RBMX: variants seen among roughly 807,000 people sequenced by gnomAD.
RBMX encodes RNA binding motif protein X-linked, also known as RNA-binding motif protein, X chromosome.
A neutral mutation model predicts 29.3 loss-of-function variants in RBMX; 1 was observed. The observed-to-expected ratio is 0.03, with a 90% CI of 0.01 to 0.16. The LOEUF (loss-of-function observed/expected upper bound fraction) is 0.16, where lower values mean the gene tolerates loss of function less well. Ranked by LOEUF, RBMX falls within the 10% of genes least tolerant of loss-of-function variation. The probability of loss-of-function intolerance (pLI) is 1.00; values close to 1 mark genes in which losing one functional copy is unlikely to be tolerated. For synonymous variants in RBMX, 102 were observed against 102.3 expected (o/e 1.00, Z 0.02); for missense variants, 121 against 333.2 (o/e 0.36, Z 4.96).
intron 4 of RBMX, among the ~76,000 whole-genome samples, chrX:136,877,204 T>G (rs1391601284): frequency 2.8e-5 from 3 of 106,745 alleles, no homozygotes; most frequent in Non-Finnish European, 5.8e-5. Context: ...TGGTGGTGCA[T>G]GCCCGTAATC....
chrX:136,871,507 T>C (rs1047741263), downstream of RBMX, among the ~76,000 whole-genome samples: 1 of 110,120 alleles, frequency 9.1e-6, no homozygotes, highest in Admixed American at 9.7e-5. Flanking sequence ...TCAATGTCAA[T>C]AAAATTATGT....
downstream of RBMX, among the ~76,000 whole-genome samples, chrX:136,871,811 GTTTTTTTTTTT>G (rs750533072): frequency 2.7e-5 from 2 of 74,940 alleles, no homozygotes; most frequent in African/African-American, 4.6e-5. Context: ...CACGCCCGGT[GTTTTTTTTTTT>G]TTTTTTTTTT....
chrX:136,878,009 T>C lies in RBMX; in HGVS notation c.294A>G (p.Pro98=), dbSNP rs1478069131. 1 of 1,208,619 alleles carries C rather than the reference T, an allele frequency of 8.3e-7. No individual in the cohort carries two copies. Among genetic ancestry groups the C allele is most frequent in the Non-Finnish European group, 1.1e-6 (1 of 894,415 alleles). The change falls in exon 4 of 9, where the codon CCA becomes CCG. Residue 98 remains proline (P), a synonymous_variant. Transcript: ENST00000320676. The part of the protein sequence containing the change: ...SFESGRRGPP[P]PPRSRGPPRG... ...TTGGAGGGCCTCTACTTCTTGGAGG[T>C]GGAGGCGGTCCACGTCTACCACTTT...
At chrX:136,879,583 G>C (rs1416340351) in intron 1 of RBMX, 130 bp from the exon 2 acceptor site, 3 of 568,642 alleles carry the variant, frequency 5.3e-6, no homozygotes, top group Non-Finnish European at 8.2e-6. Flanking sequence ...AAACGATAAC[G>C]AGCTAAGCCT....
rs774377663 is a variant in RBMX at position 136,878,083 on chromosome X, A to G, written c.220T>C (p.Leu74=). 6.8e-6 allele frequency: 8 copies of G among 1,170,433 alleles called. No individual in the cohort carries two copies. The highest frequency in any genetic ancestry group is 6.9e-6 in the Non-Finnish European group (6 of 870,486). The change falls in exon 4 of 9, where the codon TTA becomes CTA. Residue 74 remains leucine, a synonymous_variant. Coordinates refer to ENST00000320676, the MANE Select transcript of RBMX (RefSeq NM_002139.4). ...DAARDMNGKS[L]DGKAIKVEQA... is the part of the protein sequence containing the mutation. ...TCCACCTTGATGGCTTTTCCATCTA[A>G]TGACTAAAAAAAAAGATACGATTAA...
chrX:136,870,202 T>G (rs1202448643), downstream of RBMX: 2 of 112,616 alleles, frequency 1.8e-5, no homozygotes, highest in Non-Finnish European at 3.7e-5. Context: ...ACCAATTTCC[T>G]TAATTACTTC....
chrX:136,874,391 G>A lies in RBMX; in HGVS notation c.927C>T (p.Arg309=). 1 of 1,212,818 alleles carries A rather than the reference G, an allele frequency of 8.2e-7. No homozygotes were observed. The highest frequency in any genetic ancestry group is 1.1e-6 in the Non-Finnish European group (1 of 895,697). Residue 309 remains arginine (R), a synonymous_variant, in exon 9 of 9, where the codon CGC becomes CGT. Transcript: ENST00000320676. ...GPPPSYGGSS[R]YDDYSSSRDG... ...CACGTGAGCTGCTGTAATCATCATA[G>A]CGACTGCTTCCACCATAAGATGGCG...
At chrX:136,871,242 G>A (rs927863104), downstream of RBMX, among the ~76,000 whole-genome samples, 1 of 108,840 alleles carries the variant, frequency 9.2e-6, no homozygotes, top group Non-Finnish European at 1.9e-5. Context: ...TCAGGAGATC[G>A]AGACCATCCT....
chrX:136,877,641 A>G (rs1304312807), intron 4 of RBMX, among the ~76,000 whole-genome samples: 1 of 109,710 alleles, frequency 9.1e-6, no homozygotes, highest in East Asian at 2.9e-4. Flanking sequence ...AAATGATTTC[A>G]TTTTCATGTC....
chrX:136,876,689 C>T (rs774078316), intron 4 of RBMX, 34 bp from the exon 5 acceptor site: 3 of 1,102,191 alleles, frequency 2.7e-6, no homozygotes, highest in Non-Finnish European at 3.6e-6. Context: ...AATATTACTA[C>T]TCACAAGAAT....
Position 136,875,574 on chromosome X carries a change from G to A in RBMX, c.553C>T (p.Arg185Cys), listed in dbSNP as rs924510975. The change falls in exon 6 of 9, where the codon CGT becomes TGT. Residue 185 changes from arginine to cysteine, a missense_variant. Coordinates refer to ENST00000320676, the MANE Select transcript of RBMX (RefSeq NM_002139.4). ...GGACCTCCATAACTATCTCTTCCAC[G>A]TGATACAGGAGCTTAAGGAAAAATA... ...SGMGGRAPVS[R>C]GRDSYGGPPR... The A allele has an allele frequency of 3.3e-6, 4 of 1,205,268 alleles. No homozygotes were observed. The highest frequency in any genetic ancestry group is 3.4e-6 in the Non-Finnish European group (3 of 894,228).
chrX:136,871,379 G>A (rs2077683335), downstream of RBMX, among the ~76,000 whole-genome samples: 1 of 101,495 alleles, frequency 9.9e-6, no homozygotes, highest in Non-Finnish European at 2.0e-5. Flanking sequence ...GGGAGGCAGA[G>A]CTTGCAGTGA....
downstream of RBMX, among the ~76,000 whole-genome samples, chrX:136,871,199 C>T (rs779548553): frequency 6.4e-5 from 7 of 108,833 alleles, no homozygotes; most frequent in African/African-American, 2.3e-4. Flanking sequence ...ATAATCCCAG[C>T]ACTTTGGGAG....
At chrX:136,869,943 C>G (rs773758819), downstream of RBMX, 4 of 112,356 alleles carry the variant, frequency 3.6e-5, no homozygotes, top group South Asian at 1.5e-3. Context: ...AGCATGGTTA[C>G]TTTCCAGATG....
At chrX:136,872,041 A>C (rs2077688612), downstream of RBMX, among the ~76,000 whole-genome samples, 1 of 111,462 alleles carries the variant, frequency 9.0e-6, no homozygotes, top group South Asian at 3.7e-4. Context: ...AAAATAGCTA[A>C]GAATAATCTC....
chrX:136,880,179 G>A (rs1421513509), intron 1 of RBMX, among the ~76,000 whole-genome samples: 2 of 111,582 alleles, frequency 1.8e-5, no homozygotes, highest in African/African-American at 6.5e-5. Flanking sequence ...ACTGGTCAGG[G>A]GACTAACTTT....
In RBMX at chrX:136,876,581, G is replaced by A. The variant is rs11558422; in HGVS notation, c.463C>T (p.Pro155Ser). Residue 155 changes from proline (P) to serine (S), a missense_variant, in exon 5 of 9, where the codon CCA (proline) becomes TCA (serine). Pro to Ser is a moderately conservative substitution (Grantham distance 74). Around this residue, in one of 2 missense-constraint regions of RBMX, gnomAD observed 114 missense variants for 260.0 expected, o/e 0.44. Transcript: ENST00000320676. The part of the protein sequence containing the change: ...GPLPVKRGPP[P>S]RSGGPPPKRS... ...TTAGGAGGAGGACCCCCACTTCTTG[G>A]TGGTGGTCCTCTTTTTACTGGGAGT... The A allele has an allele frequency of 8.3e-7, 1 of 1,208,847 alleles. No individual in the cohort carries two copies. Among genetic ancestry groups the A allele is most frequent in the Non-Finnish European group, 1.1e-6 (1 of 894,000 alleles).
intron 3 of RBMX, 105 bp downstream of exon 3, chrX:136,878,912 G>A (rs2077768502): frequency 2.9e-6 from 3 of 1,042,844 alleles, no homozygotes; most frequent in Non-Finnish European, 3.9e-6. Flanking sequence ...GGTATATACT[G>A]AAAAACAACG....
In RBMX at chrX:136,874,426, G is replaced by T. The variant is rs746701798; in HGVS notation, c.892C>A (p.Arg298=). 5.0e-6 allele frequency: 6 copies of T among 1,211,868 alleles called. No individual in the cohort carries two copies. In the South Asian group the frequency reaches 7.0e-5, roughly 14 times the overall value. Residue 298 remains arginine, a synonymous_variant, in exon 9 of 9, where the codon CGA becomes AGA. Coordinates refer to ENST00000320676, the MANE Select transcript of RBMX (RefSeq NM_002139.4). ...YGNSRSAPPT[R]GPPPSYGGSS... ...CCACCATAAGATGGCGGGGGCCCTC[G>T]TGTAGGTGGAGCACTACGTGAGTTA...
Sources: gnomAD v4.1 joint callset for allele counts (sites outside exome capture counted in the v4.1 genomes callset) on GRCh38, gnomAD v4.1.1 for gene constraint, gnomAD v4.1.1 regional missense constraint, MANE v1.5 for transcripts, NCBI Gene and HGNC (gene_info 2026-07-23, HGNC 2026-07-21) for gene names.